The following EPM2A variants were observed in gnomAD, a reference collection of about 807,000 sequenced individuals.
The protein encoded by EPM2A is laforin.
EPM2A carries 21 observed loss-of-function variants against 26.5 expected under a neutral mutation model. The observed-to-expected ratio is 0.79, with a 90% CI of 0.56 to 1.14. The LOEUF (loss-of-function observed/expected upper bound fraction) is 1.14, where lower values mean the gene tolerates loss of function less well. EPM2A is among the 50% of genes most tolerant of loss of function. EPM2A has a pLI of 0.00. For missense variants in EPM2A, 458 were observed against 440.8 expected (o/e 1.04, Z -0.35); for synonymous variants, 217 against 177.6 (o/e 1.22, Z -1.76).
intron 4 of EPM2A, among the ~76,000 whole-genome samples, chr6:145,443,946 C>A (rs1204425752): frequency 6.6e-6 from 1 of 152,130 alleles, no homozygotes; most frequent in Non-Finnish European, 1.5e-5. Context: ...ATTGTGAGGC[C>A]TCCCCAGCCA....
chr6:145,666,003 T>G (rs1779153679), intron 2 of EPM2A, among the ~76,000 whole-genome samples: 1 of 146,762 alleles, frequency 6.8e-6, no homozygotes, highest in Non-Finnish European at 1.5e-5. Context: ...TAGGTATTGA[T>G]GGGACGTATT....
chr6:145,642,110 C>T (rs2128569613), intron 2 of EPM2A, among the ~76,000 whole-genome samples: 1 of 152,214 alleles, frequency 6.6e-6, no homozygotes, highest in South Asian at 2.1e-4. Flanking sequence ...AACTAGCAAA[C>T]TTTGCTTCCT....
At chr6:145,628,821 C>G (rs1776026698) in intron 3 of EPM2A, 1 of 152,302 alleles carries the variant, frequency 6.6e-6, no homozygotes, top group African/African-American at 2.4e-5. Flanking sequence ...TCTCCCATGA[C>G]AGCCACTCCC....
At chr6:145,710,189 A>C (rs1015421360) in intron 1 of EPM2A, among the ~76,000 whole-genome samples, 5 of 152,176 alleles carry the variant, frequency 3.3e-5, no homozygotes, top group African/African-American at 7.2e-5. Context: ...CAACCTACAG[A>C]ATGGGAGAAA....
At chr6:145,451,572 C>T (rs1317986138) in intron 4 of EPM2A, among the ~76,000 whole-genome samples, 1 of 152,158 alleles carries the variant, frequency 6.6e-6, no homozygotes, top group African/African-American at 2.4e-5. Flanking sequence ...AAACAATATG[C>T]TGCAAGAGAC....
intron 4 of EPM2A, among the ~76,000 whole-genome samples, chr6:145,387,820 T>C (rs1267656146): frequency 6.6e-6 from 1 of 152,040 alleles, no homozygotes. Flanking sequence ...ACAAAAGTTG[T>C]GTTCCTGGAA....
At chr6:145,487,033 C>T (rs1191416611) in intron 4 of EPM2A, among the ~76,000 whole-genome samples, 1 of 151,974 alleles carries the variant, frequency 6.6e-6, no homozygotes, top group African/African-American at 2.4e-5. Flanking sequence ...GTGTTGTTCC[C>T]CTCTATGTGT....
At chr6:145,388,955 A>G (rs1778300543) in intron 4 of EPM2A, among the ~76,000 whole-genome samples, 1 of 151,690 alleles carries the variant, frequency 6.6e-6, no homozygotes, top group African/African-American at 2.4e-5. Context: ...GCTATTGTAA[A>G]CAGTGCTGCA....
At position 145,639,220 on chromosome 6, in the gene EPM2A, T is replaced by C. The variant is rs1038433922; in HGVS notation, c.477-3734A>G. 18 of 152,294 alleles carry C rather than the reference T, an allele frequency of 1.2e-4. 1 individual carries two copies. Among genetic ancestry groups the C allele is most frequent in the Admixed American group, 8.5e-4 (13 of 15,286 alleles). 9.4% of individuals were successfully genotyped at this position (152,294 alleles called of 1,614,324 possible). On this transcript the variant is annotated intron_variant, in intron 2 of 3. Coordinates refer to ENST00000367519, the MANE Select transcript of EPM2A (RefSeq NM_005670.4). ...GACTTGTTTCATAAATAATCCACTA[T>C]CAATCATGAACTCAAGAGATTTCTG... is the stretch of plus-strand genomic sequence containing the variant.
intron 4 of EPM2A, among the ~76,000 whole-genome samples, chr6:145,492,840 A>T (rs543588227): frequency 6.6e-6 from 1 of 152,082 alleles, no homozygotes; most frequent in Non-Finnish European, 1.5e-5. Context: ...GGGGGATTTT[A>T]TGGGCACAGG....
chr6:145,735,510 G>A lies in EPM2A; in HGVS notation c.-12C>T. ...AAGCGGAAGCGCATGGCGGGCGGCG[G>A]CGGCGCGAATACCCGGGCCCGGAGT... On this transcript the variant is annotated 5_prime_UTR_variant, in exon 1 of 4. Coordinates refer to ENST00000367519, the MANE Select transcript of EPM2A (RefSeq NM_005670.4). The A allele has an allele frequency of 3.4e-6, 4 of 1,184,950 alleles. No homozygotes were observed. Among genetic ancestry groups the A allele is most frequent in the Non-Finnish European group, 4.2e-6 (4 of 957,898 alleles). The allele number at this position is 1,184,950 out of a possible 1,614,324, so 73.4% of individuals were successfully genotyped here. A position where few individuals can be genotyped will look rare whatever the true frequency, so the allele number is the denominator to read the frequency against.
chr6:145,560,543 T>C (rs1780789995), intron 2 of EPM2A, among the ~76,000 whole-genome samples: 1 of 152,134 alleles, frequency 6.6e-6, no homozygotes, highest in African/African-American at 2.4e-5. Context: ...AGGGCAGGAT[T>C]TGGACCACAA....
intron 4 of EPM2A, among the ~76,000 whole-genome samples, chr6:145,389,672 G>A (rs1342832511): frequency 6.6e-6 from 1 of 152,112 alleles, no homozygotes; most frequent in African/African-American, 2.4e-5. Context: ...GTGAATAAAG[G>A]AACAAATTAT....
chr6:145,691,803 C>A (rs901332716), intron 1 of EPM2A, among the ~76,000 whole-genome samples: 3 of 151,736 alleles, frequency 2.0e-5, no homozygotes, highest in African/African-American at 7.3e-5. Flanking sequence ...CAATTATGAA[C>A]CAGACATGCC....
chr6:145,526,802 T>C (rs1170258296), intron 2 of EPM2A, among the ~76,000 whole-genome samples: 2 of 152,172 alleles, frequency 1.3e-5, no homozygotes, highest in Middle Eastern at 3.4e-3. Context: ...CTGATTTTAG[T>C]TCTTTCTTTT....
At chr6:145,419,907 G>T (rs1430140455) in intron 4 of EPM2A, among the ~76,000 whole-genome samples, 1 of 151,920 alleles carries the variant, frequency 6.6e-6, no homozygotes, top group Admixed American at 6.6e-5. Context: ...AACAAACATT[G>T]AATAGTTAAT....
Position 145,627,242 on chromosome 6 carries a change from A to C in EPM2A, c.*174T>G. On this transcript the variant is annotated 3_prime_UTR_variant, in exon 4 of 4. Coordinates refer to ENST00000367519, the MANE Select transcript of EPM2A (RefSeq NM_005670.4). ...CAGCTTTCTTGTAGAGTATTTCAAA[A>C]ATACAGCCCCAAAACAAAGCATAAT... 1 of 1,506,568 alleles carries C rather than the reference A, an allele frequency of 6.6e-7. No individual in the cohort carries two copies. The allele number at this position is 1,506,568 out of a possible 1,614,324, so 93.3% of individuals were successfully genotyped here. A position where few individuals can be genotyped will look rare whatever the true frequency, so the allele number is the denominator to read the frequency against.
intron 1 of EPM2A, among the ~76,000 whole-genome samples, chr6:145,710,316 C>G (rs962256129): frequency 1.3e-5 from 2 of 151,948 alleles, no homozygotes; most frequent in African/African-American, 4.8e-5. Context: ...CGAAGGATAT[C>G]GACAGACACT....
intron 4 of EPM2A, among the ~76,000 whole-genome samples, chr6:145,389,734 C>T (rs1778312649): frequency 6.6e-6 from 1 of 152,118 alleles, no homozygotes; most frequent in Non-Finnish European, 1.5e-5. Context: ...GTGAAGGTCT[C>T]CTACCTCCAT....
Sources: allele counts gnomAD v4.1 joint callset (sites outside exome capture counted in the v4.1 genomes callset), GRCh38; gene constraint gnomAD v4.1.1; transcripts MANE v1.5; gene names NCBI Gene and HGNC (gene_info 2026-07-23, HGNC 2026-07-21).